The following COA1 variants were observed in gnomAD, a reference collection of about 807,000 sequenced individuals.
The protein encoded by COA1 is cytochrome c oxidase assembly factor 1.
COA1 carries 13 observed loss-of-function variants against 16.0 expected under a neutral mutation model. That is an observed-to-expected ratio of 0.81 (90% CI 0.53 to 1.29). The LOEUF is 1.29. Ranked by LOEUF, COA1 falls within the 50% of genes most tolerant of loss-of-function variation. The pLI, the probability that COA1 is intolerant of heterozygous loss-of-function variation, is 0.00. For missense variants in COA1, 179 were observed against 177.0 expected (o/e 1.01, Z -0.06); for synonymous variants, 65 against 65.7 (o/e 0.99, Z 0.05).
At chr7:43,717,309 G>T (rs1172678881) in intron 1 of COA1, among the ~76,000 whole-genome samples, 1 of 152,144 alleles carries the variant, frequency 6.6e-6, no homozygotes, top group African/African-American at 2.4e-5. Context: ...CCACAGGGGT[G>T]GAGCTACCCA....
At chr7:43,700,579 C>T (rs921575546) in intron 1 of COA1, among the ~76,000 whole-genome samples, 4 of 104,836 alleles carry the variant, frequency 3.8e-5, no homozygotes, top group East Asian at 5.2e-4. Flanking sequence ...CACATATATA[C>T]GTGTATATAT....
At position 43,616,428 on chromosome 7, in the gene COA1, T is replaced by C. The variant is rs190575286; in HGVS notation, c.*134-6933A>G. 5.6e-4 allele frequency among the ~76,000 whole-genome samples: 85 copies of C among 152,296 alleles called. 2 individuals carry two copies. Among genetic ancestry groups the C allele is most frequent in the African/African-American group, 2.0e-3 (85 of 41,566 alleles). The stretch of plus-strand genomic sequence containing the variant: ...CATTCATTCACCCAACAAATATAAA[T>C]GTGTGGTAGGCACTGATCACAGTGA... On this transcript the variant is annotated intron_variant and NMD_transcript_variant, in intron 6 of 6. Transcript: ENST00000415076.
chr7:43,715,403 G>A (rs966818864), intron 1 of COA1, among the ~76,000 whole-genome samples: 9 of 151,914 alleles, frequency 5.9e-5, no homozygotes, highest in Middle Eastern at 3.4e-3. Flanking sequence ...GCGTGAACCC[G>A]GGAGGCAGAC....
downstream of COA1, among the ~76,000 whole-genome samples, chr7:43,635,430 T>G (rs976925862): frequency 3.3e-5 from 5 of 152,174 alleles, no homozygotes; most frequent in Non-Finnish European, 1.5e-5. Context: ...CGTGTCCCAC[T>G]GTGGGTCAGC....
intron 1 of COA1, among the ~76,000 whole-genome samples, chr7:43,679,623 G>A (rs865821329): frequency 3.3e-5 from 5 of 152,152 alleles, no homozygotes; most frequent in African/African-American, 1.2e-4. Context: ...TCATCCCCTG[G>A]ACTAGAATAC....
intron 1 of COA1, among the ~76,000 whole-genome samples, chr7:43,725,936 A>ACCC: frequency 6.6e-6 from 1 of 151,720 alleles, no homozygotes; most frequent in East Asian, 1.9e-4. Context: ...AAAAAATACA[A>ACCC]AACAATGTTA....
chr7:43,696,366 A>C (rs1248450616), intron 1 of COA1, among the ~76,000 whole-genome samples: 3 of 152,204 alleles, frequency 2.0e-5, no homozygotes, highest in South Asian at 2.1e-4. Flanking sequence ...CGCCATTGAC[A>C]TATGCGGAAT....
intron 6 of COA1, among the ~76,000 whole-genome samples, chr7:43,618,069 A>G (rs1188873973): frequency 6.6e-6 from 1 of 152,264 alleles, no homozygotes; most frequent in Non-Finnish European, 1.5e-5. Flanking sequence ...ATGGAGGGGC[A>G]GAATATGAAT....
chr7:43,714,192 A>G (rs2131866157), intron 1 of COA1, among the ~76,000 whole-genome samples: 1 of 152,264 alleles, frequency 6.6e-6, no homozygotes, highest in Non-Finnish European at 1.5e-5. Flanking sequence ...TGTCTCTAAA[A>G]AAATTAAAAA....
At chr7:43,612,990 A>G (rs1216141688) in intron 6 of COA1, among the ~76,000 whole-genome samples, 2 of 152,222 alleles carry the variant, frequency 1.3e-5, no homozygotes, top group East Asian at 1.9e-4. Flanking sequence ...AACAAAACCA[A>G]CTAAAAGTAC....
At chr7:43,648,367 G>A in intron 2 of COA1, 2 of 611,468 alleles carry the variant, frequency 3.3e-6, no homozygotes, top group Non-Finnish European at 5.9e-6. Flanking sequence ...ACTGGGTTAT[G>A]GAGAGGTTCC....
At chr7:43,666,128 C>A (rs1199027308) in intron 1 of COA1, among the ~76,000 whole-genome samples, 2 of 152,186 alleles carry the variant, frequency 1.3e-5, no homozygotes, top group African/African-American at 4.8e-5. Flanking sequence ...CATCTTTTAG[C>A]CACTTAAGAT....
intron 6 of COA1, among the ~76,000 whole-genome samples, chr7:43,612,153 T>A (rs1453333582): frequency 3.3e-5 from 5 of 152,202 alleles, no homozygotes; most frequent in Admixed American, 3.3e-4. Flanking sequence ...ATGACAGGCC[T>A]TTGATGTTGG....
chr7:43,722,854 C>G (rs2095538346), intron 1 of COA1, among the ~76,000 whole-genome samples: 1 of 152,184 alleles, frequency 6.6e-6, no homozygotes, highest in African/African-American at 2.4e-5. Flanking sequence ...TCTGGAACAT[C>G]TAAGTCCATC....
At chr7:43,691,419 GAAAAAGAAAGAAAGA>G (rs1287277851) in intron 1 of COA1, among the ~76,000 whole-genome samples, 146 of 82,266 alleles carry the variant, frequency 1.8e-3, no homozygotes, top group East Asian at 6.5e-3. Flanking sequence ...AAGGAAGAAA[GAAAAAGAAAGAAAGA>G]AAGAAAGAAA....
chr7:43,612,333 A>T (rs1399339112), intron 6 of COA1, among the ~76,000 whole-genome samples: 1 of 152,206 alleles, frequency 6.6e-6, no homozygotes, highest in East Asian at 1.9e-4. Context: ...GCAACCATGC[A>T]TGCGGGAGTG....
chr7:43,718,937 A>T (rs1249334810), intron 1 of COA1, among the ~76,000 whole-genome samples: 2 of 151,310 alleles, frequency 1.3e-5, no homozygotes, highest in African/African-American at 4.9e-5. Context: ...AACAGGGAGC[A>T]AGATTAGAAG....
chr7:43,643,379 T>C (rs1299486179), intron 4 of COA1, among the ~76,000 whole-genome samples: 1 of 152,198 alleles, frequency 6.6e-6, no homozygotes, highest in Non-Finnish European at 1.5e-5. Context: ...CCCAGTGGCT[T>C]TTCCAAGTTC....
At chr7:43,646,575 C>G (rs1430329965) in intron 3 of COA1, 1 of 456,616 alleles carries the variant, frequency 2.2e-6, no homozygotes, top group Non-Finnish European at 4.4e-6. Flanking sequence ...ACCGACTTAG[C>G]AGCCTCCTAA....
Sources: gnomAD v4.1 joint callset for allele counts (sites outside exome capture counted in the v4.1 genomes callset) on GRCh38, gnomAD v4.1.1 for gene constraint, MANE v1.5 for transcripts, NCBI Gene and HGNC (gene_info 2026-07-23, HGNC 2026-07-21) for gene names.